Variants in JAM3 observed in about 807,000 individuals in gnomAD.
JAM3 encodes junctional adhesion molecule 3, also known as junctional adhesion molecule C.
JAM3 carries 31 observed loss-of-function variants against 39.4 expected under a neutral mutation model. The ratio of observed to expected loss-of-function variants is 0.79; its 90% CI spans 0.59 to 1.06. The LOEUF (loss-of-function observed/expected upper bound fraction) is 1.06. Ranked by LOEUF, JAM3 falls within the 50% of genes least tolerant of loss-of-function variation. The pLI is 0.00. For synonymous variants in JAM3, 182 were observed against 148.7 expected, an observed-to-expected ratio of 1.22 and a Z score of -1.63; for missense variants, 455 against 391.4, an observed-to-expected ratio of 1.16 and a Z score of -1.37.
chr11:134,135,842 G>A (rs1444312551), intron 1 of JAM3, among the ~76,000 whole-genome samples: 2 of 152,076 alleles, frequency 1.3e-5, no homozygotes, highest in African/African-American at 4.8e-5. Context: ...GCCGAGGCGG[G>A]TAGAACACCT....
rs1230435979 is a variant in JAM3 at position 134,148,615 on chromosome 11, T to C, written c.781T>C (p.Leu261=). ...CCTTGCTGTACTGGCCCTGATCACG[T>C]TGGGCATCTGCTGTGCATACAGACG... is the stretch of plus-strand genomic sequence containing the variant. ...VVLAVLALIT[L]GICCAYRRGY... The change falls in exon 7 of 9, where the codon TTG becomes CTG. Residue 261 remains leucine (L), a synonymous_variant. Transcript: ENST00000299106. The C allele has an allele frequency of 1.9e-6, 3 of 1,614,022 alleles. No individual in the cohort carries two copies. Among genetic ancestry groups the C allele is most frequent in the African/African-American group, 2.7e-5 (2 of 74,910 alleles).
At chr11:134,080,359 C>G (rs1246119255) in intron 1 of JAM3, among the ~76,000 whole-genome samples, 1 of 152,190 alleles carries the variant, frequency 6.6e-6, no homozygotes, top group Non-Finnish European at 1.5e-5. Flanking sequence ...TGGACTCCTC[C>G]AAAAAGTGCT....
At chr11:134,091,569 A>G (rs1941854437) in intron 1 of JAM3, among the ~76,000 whole-genome samples, 1 of 151,918 alleles carries the variant, frequency 6.6e-6, no homozygotes. Context: ...GTTAGAGGCT[A>G]CAGTGAGCTA....
At chr11:134,129,734 G>A (rs1010157597) in intron 1 of JAM3, among the ~76,000 whole-genome samples, 22 of 152,200 alleles carry the variant, frequency 1.4e-4, no homozygotes, top group African/African-American at 4.8e-4. Flanking sequence ...AGGCGTGATG[G>A]CTTACGCCTG....
chr11:134,114,287 G>A (rs1209254944), intron 1 of JAM3, among the ~76,000 whole-genome samples: 1 of 152,132 alleles, frequency 6.6e-6, no homozygotes, highest in Admixed American at 6.5e-5. Flanking sequence ...TGTCCTGAAT[G>A]GTTTTCTTCT....
chr11:134,085,148 G>C (rs766083050), intron 1 of JAM3, among the ~76,000 whole-genome samples: 3 of 152,208 alleles, frequency 2.0e-5, no homozygotes, highest in Non-Finnish European at 4.4e-5. Flanking sequence ...GGATGTGGTT[G>C]AAAAACCAGG....
At position 134,151,623 on chromosome 11, in the gene JAM3, C is replaced by T. The variant is rs1233938933; in HGVS notation, c.*2442C>T. ...TAAGATATGAATGTGACTCAAGACT[C>T]GAGGCCGATACGAGGCTGTGATTCT... On this transcript the variant is annotated 3_prime_UTR_variant, in exon 9 of 9. Coordinates refer to ENST00000299106, the MANE Select transcript of JAM3 (RefSeq NM_032801.5). 2.0e-5 allele frequency: 3 copies of T among 152,154 alleles called. No individual in the cohort carries two copies. Among genetic ancestry groups the T allele is most frequent in the Non-Finnish European group, 4.4e-5 (3 of 68,046 alleles). The allele number at this position is 152,154 out of a possible 1,614,324, so 9.4% of individuals were successfully genotyped here.
At chr11:134,104,502 AAGATC>A (rs1942142596) in intron 1 of JAM3, among the ~76,000 whole-genome samples, 1 of 152,192 alleles carries the variant, frequency 6.6e-6, no homozygotes. Context: ...AGAAATAACT[AAGATC>A]AGAGCAGAAT....
At chr11:134,097,652 T>TAA (rs1942006582) in intron 1 of JAM3, among the ~76,000 whole-genome samples, 1 of 152,138 alleles carries the variant, frequency 6.6e-6, no homozygotes, top group African/African-American at 2.4e-5. Flanking sequence ...TGCAAAGCAT[T>TAA]AAAAACAATT....
rs1207225497 is a variant in JAM3 at position 134,088,522 on chromosome 11, A to G, written c.76+19363A>G. Among the ~76,000 whole-genome samples the G allele has an allele frequency of 7.2e-5, 11 of 152,290 alleles. No individual in the cohort carries two copies. The South Asian group carries it at 2.1e-3, about 29-fold the overall frequency. On this transcript the variant is annotated intron_variant, in intron 1 of 8. Transcript: ENST00000299106. ...AAGGAAAAAACGGAATACAAAATCT[A>G]TTTTACATGTACATCCTTTTCTATA...
chr11:134,113,314 G>A (rs1298234899), intron 1 of JAM3, among the ~76,000 whole-genome samples: 2 of 151,796 alleles, frequency 1.3e-5, no homozygotes, highest in African/African-American at 4.8e-5. Flanking sequence ...TTTACATTAG[G>A]TATATCTCCT....
In JAM3 at chr11:134,151,537, A is replaced by AGAG; in HGVS notation, c.*2357_*2359dup. The stretch of plus-strand genomic sequence containing the variant: ...TGAAAAAGTAGAGAGAAGTGAAAGT[A>AGAG]GAGTCTGGGAAGTAGCTGCCTATAA... On this transcript the variant is annotated 3_prime_UTR_variant, in exon 9 of 9. Coordinates refer to ENST00000299106, the MANE Select transcript of JAM3 (RefSeq NM_032801.5). 6.6e-6 allele frequency: 1 copy of AGAG among 152,352 alleles called. No individual in the cohort carries two copies. The highest frequency in any genetic ancestry group is 1.5e-5 in the Non-Finnish European group (1 of 68,038). The allele number at this position is 152,352 out of a possible 1,614,324, so 9.4% of individuals were successfully genotyped here. A position where few individuals can be genotyped will look rare whatever the true frequency, so the allele number is the denominator to read the frequency against.
chr11:134,119,797 A>T (rs913879148), intron 1 of JAM3, among the ~76,000 whole-genome samples: 6 of 152,218 alleles, frequency 3.9e-5, no homozygotes, highest in African/African-American at 1.4e-4. Flanking sequence ...GACACATAAA[A>T]TTAACCCTCA....
At chr11:134,141,117 A>G (rs568152748) in intron 3 of JAM3, among the ~76,000 whole-genome samples, 1 of 152,184 alleles carries the variant, frequency 6.6e-6, no homozygotes, top group East Asian at 1.9e-4. Flanking sequence ...GTGAATGAGA[A>G]GGACCATATG....
chr11:134,070,290 A>G (rs1210185180), intron 1 of JAM3: 7 of 441,770 alleles, frequency 1.6e-5, no homozygotes, highest in East Asian at 1.4e-4. Context: ...TAACCAGACC[A>G]GGACCTTTTT....
At chr11:134,113,558 T>G (rs986887715) in intron 1 of JAM3, among the ~76,000 whole-genome samples, 9 of 152,248 alleles carry the variant, frequency 5.9e-5, no homozygotes, top group Non-Finnish European at 1.2e-4. Flanking sequence ...TTCCATGGTG[T>G]ATATGTGCCA....
chr11:134,147,833 T>C (rs1943107053), intron 6 of JAM3: 1 of 153,082 alleles, frequency 6.5e-6, no homozygotes, highest in African/African-American at 2.4e-5. Flanking sequence ...ACCAATACAC[T>C]AGGATAAAGG....
At chr11:134,069,309 CCGCGTCCCCG>C in intron 1 of JAM3, 150 bp downstream of exon 1, 1 of 1,064,012 alleles carries the variant, frequency 9.4e-7, no homozygotes, top group Non-Finnish European at 1.3e-6. Context: ...CGGCGCGCGC[CCGCGTCCCCG>C]CAGCCAGGGC....
chr11:134,129,475 C>T (rs1048197169), intron 1 of JAM3, among the ~76,000 whole-genome samples: 8 of 152,040 alleles, frequency 5.3e-5, no homozygotes, highest in African/African-American at 1.7e-4. Context: ...CCCTTATGAC[C>T]TTCTTTAACA....
Sources: allele counts gnomAD v4.1 joint callset (sites outside exome capture counted in the v4.1 genomes callset), GRCh38; gene constraint gnomAD v4.1.1; transcripts MANE v1.5; gene names NCBI Gene and HGNC (gene_info 2026-07-23, HGNC 2026-07-21).